The following SCAF8 variants were observed in gnomAD, a reference collection of about 807,000 sequenced individuals.
SCAF8 encodes the protein SR-related and CTD-associated factor 8.
A neutral mutation model predicts 140.5 loss-of-function variants in SCAF8; 23 were observed. The observed-to-expected ratio is 0.16, with a 90% CI of 0.12 to 0.23. The LOEUF (loss-of-function observed/expected upper bound fraction) is 0.23. Ranked by LOEUF, SCAF8 falls within the 10% of genes least tolerant of loss-of-function variation. The probability of loss-of-function intolerance (pLI) is 1.00; values close to 1 mark genes in which losing one functional copy is unlikely to be tolerated. For missense variants in SCAF8, 1,397 were observed against 1,555.7 expected (o/e 0.90, Z 1.72); for synonymous variants, 575 against 528.9 (o/e 1.09, Z -1.20).
At chr6:154,784,861 A>G (rs1275919456) in intron 3 of SCAF8, among the ~76,000 whole-genome samples, 1 of 152,154 alleles carries the variant, frequency 6.6e-6, no homozygotes, top group African/African-American at 2.4e-5. Context: ...TACAGAAAAC[A>G]ACATATACAG....
At chr6:154,803,494 AT>A in intron 7 of SCAF8, 49 bp from the exon 8 acceptor site, 1 of 1,256,882 alleles carries the variant, frequency 8.0e-7, no homozygotes, top group Non-Finnish European at 1.2e-6. Flanking sequence ...TGTAACTTGT[AT>A]TTGTGTGAAG....
rs949819639 is a variant in SCAF8, at chr6:154,790,522, T to C, written c.322-2301T>C. ...TTTTTTTTTTTTTTTTTTTTTTTTT[T>C]TTTTTTGAGACGGAGTCTCGCTCTG... On this transcript the variant is annotated intron_variant, in intron 4 of 19. Transcript: ENST00000367178. Among the ~76,000 whole-genome samples, 295 of 70,314 alleles carry C rather than the reference T, an allele frequency of 4.2e-3. 4 individuals carry two copies. The highest frequency in any genetic ancestry group is 0.022 in the African/African-American group (285 of 12,758). 46.1% of individuals were successfully genotyped at this position (70,314 alleles called of 152,430 possible).
At chr6:154,798,707 C>T (rs975151175) in intron 6 of SCAF8, among the ~76,000 whole-genome samples, 1 of 151,366 alleles carries the variant, frequency 6.6e-6, no homozygotes, top group Non-Finnish European at 1.5e-5. Context: ...CTTCAGGTAG[C>T]ATGACCCTTT....
chr6:154,753,376 A>G (rs184052095), intron 1 of SCAF8, among the ~76,000 whole-genome samples: 119 of 152,304 alleles, frequency 7.8e-4, no homozygotes, highest in African/African-American at 2.8e-3. Flanking sequence ...CTGAGTCAGG[A>G]GAATCGCTTG....
chr6:154,779,479 T>C (rs1419296022), intron 3 of SCAF8, among the ~76,000 whole-genome samples: 1 of 152,212 alleles, frequency 6.6e-6, no homozygotes, highest in Non-Finnish European at 1.5e-5. Flanking sequence ...TCCTAGATGA[T>C]GTTTCTTTAC....
At chr6:154,828,839 C>G (rs1199301629) in intron 18 of SCAF8, among the ~76,000 whole-genome samples, 1 of 152,156 alleles carries the variant, frequency 6.6e-6, no homozygotes, top group African/African-American at 2.4e-5. Flanking sequence ...AAGAAATTAG[C>G]TACTTTGATT....
intron 18 of SCAF8, among the ~76,000 whole-genome samples, chr6:154,828,062 G>A (rs545541119): frequency 1.3e-5 from 2 of 151,992 alleles, no homozygotes; most frequent in Non-Finnish European, 2.9e-5. Flanking sequence ...ATTCACTCTT[G>A]GTGTTTTGTT....
intron 1 of SCAF8, among the ~76,000 whole-genome samples, chr6:154,760,621 T>C (rs1283433996): frequency 6.6e-6 from 1 of 152,174 alleles, no homozygotes; most frequent in Non-Finnish European, 1.5e-5. Flanking sequence ...TAAAAGCAGA[T>C]TAAGTTTCAT....
At chr6:154,793,883 C>T (rs1170890759) in intron 5 of SCAF8, among the ~76,000 whole-genome samples, 2 of 140,496 alleles carry the variant, frequency 1.4e-5, no homozygotes, top group East Asian at 4.4e-4. Context: ...GTTAGCATTT[C>T]ATAATTTTGT....
intron 1 of SCAF8, among the ~76,000 whole-genome samples, chr6:154,759,941 T>TGGG (rs1390864969): frequency 1.3e-5 from 2 of 151,902 alleles, no homozygotes; most frequent in African/African-American, 4.8e-5. Context: ...AGTGTTGGGA[T>TGGG]TACAGGCGTG....
At position 154,796,357 on chromosome 6, in the gene SCAF8, CT is replaced by C. The variant is rs1562450806; in HGVS notation, c.606+1219del. ...TGATTCAGCATTGCAATCCTGTTCT[CT>C]CTCTCTCTCTCTCTCTCTCTCTCTC... On this transcript the variant is annotated intron_variant, in intron 6 of 19. Coordinates refer to ENST00000367178, the MANE Select transcript of SCAF8 (RefSeq NM_014892.5). Among the ~76,000 whole-genome samples, 1,049 of 113,376 alleles carry C rather than the reference CT, an allele frequency of 9.3e-3. 13 individuals are homozygous for C. The highest frequency in any genetic ancestry group is 0.014 in the Non-Finnish European group (763 of 56,182). 74.4% of individuals were successfully genotyped at this position (113,376 alleles called of 152,430 possible).
chr6:154,759,709 G>T (rs1311571407), intron 1 of SCAF8, among the ~76,000 whole-genome samples: 1 of 138,858 alleles, frequency 7.2e-6, no homozygotes, highest in Non-Finnish European at 1.5e-5. Context: ...CTTGTCACCC[G>T]GGCTGGAGTG....
intron 1 of SCAF8, among the ~76,000 whole-genome samples, chr6:154,772,150 A>G (rs890546069): frequency 1.3e-5 from 2 of 151,944 alleles, no homozygotes; most frequent in African/African-American, 4.9e-5. Flanking sequence ...AGATTCCCTA[A>G]GTTTGTAGTT....
intron 18 of SCAF8, among the ~76,000 whole-genome samples, 171 bp from the exon 19 acceptor site, chr6:154,830,751 A>G (rs745679437): frequency 1.3e-5 from 2 of 152,214 alleles, no homozygotes; most frequent in Non-Finnish European, 2.9e-5. Flanking sequence ...AGCTTTCTAA[A>G]TGTAATTTAG....
chr6:154,817,859 A>G (rs1778298402), intron 13 of SCAF8, among the ~76,000 whole-genome samples: 1 of 152,202 alleles, frequency 6.6e-6, no homozygotes. Flanking sequence ...GAATAGTTAA[A>G]TGCTTTATAA....
chr6:154,774,899 T>G (rs1307869984), intron 2 of SCAF8, among the ~76,000 whole-genome samples: 2 of 152,200 alleles, frequency 1.3e-5, no homozygotes, highest in Non-Finnish European at 2.9e-5. Flanking sequence ...GAAGTTCTTG[T>G]CCCCTAGGCT....
intron 1 of SCAF8, among the ~76,000 whole-genome samples, chr6:154,752,218 A>T (rs1778855206): frequency 6.6e-6 from 1 of 152,198 alleles, no homozygotes; most frequent in South Asian, 2.1e-4. Flanking sequence ...GTAACATGTG[A>T]CAGATGACAG....
At chr6:154,734,014 G>C (rs1562416608) in intron 1 of SCAF8, 84 bp downstream of exon 1, 1 of 1,428,374 alleles carries the variant, frequency 7.0e-7, no homozygotes, top group Non-Finnish European at 9.2e-7. Flanking sequence ...GGTGGGCGCG[G>C]GCCTGCGGGT....
chr6:154,748,151 A>G (rs1456620995), intron 1 of SCAF8, among the ~76,000 whole-genome samples: 2 of 152,032 alleles, frequency 1.3e-5, no homozygotes, highest in African/African-American at 4.8e-5. Flanking sequence ...AGTCATTATG[A>G]TTTCAATGTG....
Sources: allele counts gnomAD v4.1 joint callset (sites outside exome capture counted in the v4.1 genomes callset), GRCh38; gene constraint gnomAD v4.1.1; transcripts MANE v1.5; gene names NCBI Gene and HGNC (gene_info 2026-07-23, HGNC 2026-07-21).